Variants in PCDHGA2 observed in about 807,000 individuals in gnomAD.
The protein encoded by PCDHGA2 is protocadherin gamma subfamily A, 2.
PCDHGA2 carries 40 observed loss-of-function variants against 59.2 expected under a neutral mutation model. The ratio of observed to expected loss-of-function variants is 0.68; its 90% CI spans 0.52 to 0.88. The LOEUF is 0.88. Among genes scored for constraint, PCDHGA2 ranks in the 40% least tolerant of loss-of-function variants. PCDHGA2 has a pLI of 0.00. For synonymous variants in PCDHGA2, 560 were observed against 526.0 expected, an observed-to-expected ratio of 1.06 and a Z score of -0.89; for missense variants, 1,226 against 1,204.0, an observed-to-expected ratio of 1.02 and a Z score of -0.27.
chr5:141,361,809 T>C (rs755899945), intron 1 of PCDHGA2: 1 of 1,612,970 alleles, frequency 6.2e-7, no homozygotes, highest in African/African-American at 1.3e-5. Context: ...TCAATGACAA[T>C]GCGCCACGGG....
At position 141,476,744 on chromosome 5, in the gene PCDHGA2, CT is replaced by C; in HGVS notation, c.2425-18062del. ...CCTGGACCGAGAACGGGAGCCTAGT[CT>C]CCAGTTAGTGCTGACGGCGTTGGAC... is the stretch of plus-strand genomic sequence containing the variant. On this transcript the variant is annotated intron_variant, in intron 1 of 3. Coordinates refer to ENST00000394576, the MANE Select transcript of PCDHGA2 (RefSeq NM_018915.4). The surrounding 1 kb of genome is among the most constrained non-coding windows in gnomAD (Gnocchi z 7.6). 6.2e-7 allele frequency: 1 copy of C among 1,614,046 alleles called. No homozygotes were observed. Among genetic ancestry groups the C allele is most frequent in the East Asian group, 2.2e-5 (1 of 44,884 alleles).
At chr5:141,495,896 CTCTG>C (rs1175207502) in intron 2 of PCDHGA2, among the ~76,000 whole-genome samples, 2 of 152,108 alleles carry the variant, frequency 1.3e-5, no homozygotes, top group Non-Finnish European at 2.9e-5. Flanking sequence ...CTCTCTTTGT[CTCTG>C]TCTCTGTATA....
intron 1 of PCDHGA2, chr5:141,351,119 C>A (rs1475553712): frequency 9.3e-6 from 15 of 1,614,056 alleles, no homozygotes; most frequent in Non-Finnish European, 1.3e-5. Context: ...AAGTACCAGC[C>A]TCTTCAATCT....
chr5:141,467,055 C>CTTTTT (rs1193465269), intron 1 of PCDHGA2, among the ~76,000 whole-genome samples: 1 of 134,496 alleles, frequency 7.4e-6, no homozygotes, highest in Non-Finnish European at 1.6e-5. Context: ...TCAATGTTTT[C>CTTTTT]TTTTTTTTTT....
chr5:141,412,923 G>A, intron 1 of PCDHGA2: 1 of 420,946 alleles, frequency 2.4e-6, no homozygotes, highest in East Asian at 3.6e-5. Flanking sequence ...CTTGGGTGCA[G>A]TAACTTCTTA....
At chr5:141,438,538 A>G (rs950527053) in intron 1 of PCDHGA2, among the ~76,000 whole-genome samples, 2 of 145,166 alleles carry the variant, frequency 1.4e-5, no homozygotes, top group African/African-American at 2.6e-5. Context: ...CTTTTCCTCT[A>G]TATCTAAGCC....
intron 1 of PCDHGA2, chr5:141,383,834 C>T: frequency 2.5e-6 from 4 of 1,613,906 alleles, no homozygotes; most frequent in Non-Finnish European, 3.4e-6. Context: ...TATGAAGAAA[C>T]TGCCTTCTAT....
At chr5:141,396,562 G>C (rs2150669769) in intron 1 of PCDHGA2, 1 of 152,144 alleles carries the variant, frequency 6.6e-6, no homozygotes, top group South Asian at 2.1e-4. Context: ...GGAGGTTGCA[G>C]TGAGCCTCGA....
intron 1 of PCDHGA2, chr5:141,350,174 T>G: frequency 1.6e-6 from 2 of 1,283,836 alleles, no homozygotes; most frequent in Non-Finnish European, 2.1e-6. Context: ...TAATAAGTCC[T>G]AAGCTCAAAT....
chr5:141,419,852 G>A, intron 1 of PCDHGA2: 1 of 1,614,066 alleles, frequency 6.2e-7, no homozygotes, highest in Non-Finnish European at 8.5e-7. Flanking sequence ...CCTGGTGTTC[G>A]CAGATAGCTT....
chr5:141,346,816 T>A (rs1341406572), intron 1 of PCDHGA2, among the ~76,000 whole-genome samples: 1 of 152,256 alleles, frequency 6.6e-6, no homozygotes, highest in Non-Finnish European at 1.5e-5. Context: ...CTGGTTTGTA[T>A]ACCTGTGATA....
Position 141,352,079 on chromosome 5 carries a change from G to A in PCDHGA2, c.2424+10684G>A, listed in dbSNP as rs771260601. ...TTGGCTGTCCTACCACGTGCTGCAG[G>A]CCAGCGAGCCCGGGCTCTTCAGCCT... On this transcript the variant is annotated intron_variant, in intron 1 of 3. Coordinates refer to ENST00000394576, the MANE Select transcript of PCDHGA2 (RefSeq NM_018915.4). 3.1e-6 allele frequency: 5 copies of A among 1,604,962 alleles called. No individual in the cohort carries two copies. The Admixed American group carries it at 5.0e-5, about 16-fold the overall frequency.
chr5:141,459,444 T>C (rs1485634547), intron 1 of PCDHGA2, among the ~76,000 whole-genome samples: 1 of 152,244 alleles, frequency 6.6e-6, no homozygotes, highest in Non-Finnish European at 1.5e-5. Context: ...TTCATTCAAC[T>C]GTTGGTGGAC....
intron 1 of PCDHGA2, chr5:141,399,419 G>T (rs778389329): frequency 6.2e-7 from 1 of 1,614,000 alleles, no homozygotes; most frequent in Admixed American, 1.7e-5. Context: ...CTCTCCTCCA[G>T]CATAAGCGTC....
chr5:141,353,928 C>G (rs1759418004), intron 1 of PCDHGA2, among the ~76,000 whole-genome samples: 1 of 152,160 alleles, frequency 6.6e-6, no homozygotes, highest in South Asian at 2.1e-4. Flanking sequence ...TGAGTCATTT[C>G]TACTGCTAAT....
Position 141,339,988 on chromosome 5 carries a change from T to G in PCDHGA2, c.1017T>G (p.Asp339Glu). The G allele has an allele frequency of 1.9e-6, 3 of 1,614,202 alleles. No individual in the cohort carries two copies. Among genetic ancestry groups the G allele is most frequent in the African/African-American group, 1.3e-5 (1 of 75,056 alleles). Residue 339 changes from aspartate to glutamate, a missense_variant, in exon 1 of 4, where the codon GAT becomes GAG. Coordinates refer to ENST00000394576, the MANE Select transcript of PCDHGA2 (RefSeq NM_018915.4). The part of the protein sequence containing the change: ...TRAKVIVTVL[D>E]VNDNAPEFYM... ...CGAAGGTTATCGTCACGGTTCTGGA[T>G]GTGAATGACAATGCCCCAGAATTTT...
intron 1 of PCDHGA2, chr5:141,478,866 C>T (rs1392885307): frequency 1.5e-6 from 2 of 1,304,352 alleles, no homozygotes; most frequent in Non-Finnish European, 2.0e-6. Flanking sequence ...TCTCAGCGAT[C>T]AGAGTTTAGC....
intron 1 of PCDHGA2, among the ~76,000 whole-genome samples, chr5:141,464,049 G>C (rs1330340459): frequency 6.6e-6 from 1 of 152,124 alleles, no homozygotes; most frequent in Admixed American, 6.5e-5. Context: ...TGGATCACCT[G>C]AGGTCAGGAG....
intron 1 of PCDHGA2, chr5:141,403,345 A>C (rs1267522141): frequency 1.2e-6 from 2 of 1,614,050 alleles, no homozygotes; most frequent in South Asian, 2.2e-5. Context: ...ACAGCGCCCC[A>C]AAGTTCCAGG....
Sources: allele counts gnomAD v4.1 joint callset (sites outside exome capture counted in the v4.1 genomes callset), GRCh38; gene constraint gnomAD v4.1.1; non-coding constraint Gnocchi (gnomAD v3.1); transcripts MANE v1.5; gene names NCBI Gene and HGNC (gene_info 2026-07-23, HGNC 2026-07-21).